GRIA4: variants seen among roughly 807,000 people sequenced by gnomAD.
GRIA4 encodes the protein glutamate ionotropic receptor AMPA type subunit 4.
A neutral mutation model predicts 104.0 loss-of-function variants in GRIA4; 34 were observed. The ratio of observed to expected loss-of-function variants is 0.33; its 90% CI spans 0.25 to 0.44. The LOEUF (loss-of-function observed/expected upper bound fraction) is 0.44, where lower values mean the gene tolerates loss of function less well. Ranked by LOEUF, GRIA4 falls within the 20% of genes least tolerant of loss-of-function variation. GRIA4 has a pLI of 1.00. For synonymous variants in GRIA4, 386 were observed against 381.9 expected (o/e 1.01, Z -0.13); for missense variants, 750 against 1,096.5 (o/e 0.68, Z 4.46).
At chr11:105,866,504 CAT>C (rs764046494) in intron 5 of GRIA4, among the ~76,000 whole-genome samples, 6 of 134,100 alleles carry the variant, frequency 4.5e-5, no homozygotes, top group South Asian at 2.4e-4. Context: ...AATACACATA[CAT>C]ATATATACAC....
At chr11:105,713,905 T>A (rs1008972134) in intron 3 of GRIA4, among the ~76,000 whole-genome samples, 1 of 152,198 alleles carries the variant, frequency 6.6e-6, no homozygotes, top group Admixed American at 6.6e-5. Flanking sequence ...CACTTCTGTG[T>A]GTGCTGGCAG....
intron 6 of GRIA4, among the ~76,000 whole-genome samples, chr11:105,892,669 C>A (rs1198141550): frequency 6.6e-6 from 1 of 152,052 alleles, no homozygotes; most frequent in Non-Finnish European, 1.5e-5. Context: ...ATCAACTTGG[C>A]GACATTGTTT....
At chr11:105,924,883 A>C (rs1947662737) in intron 12 of GRIA4, 114 bp downstream of exon 12, 1 of 796,622 alleles carries the variant, frequency 1.3e-6, no homozygotes, top group Non-Finnish European at 1.9e-6. Context: ...TGAAACACAG[A>C]AAAAGACTTG....
intron 3 of GRIA4, among the ~76,000 whole-genome samples, chr11:105,724,624 G>A (rs1465774241): frequency 6.6e-6 from 1 of 152,044 alleles, no homozygotes; most frequent in African/African-American, 2.4e-5. Context: ...GATAGACACT[G>A]GTGATTTGAA....
Position 105,911,307 on chromosome 11 carries a change from A to T in GRIA4, c.1269+762A>T, listed in dbSNP as rs72978092. ...GAAATTACCTTTTAAATAATAGAATATCTTATATATTTTTCTCTTCTAAAG... is the reference window on the plus strand; with the variant it reads ...GAAATTACCTTTTAAATAATAGAATTTCTTATATATTTTTCTCTTCTAAAG... On this transcript the variant is annotated intron_variant, in intron 10 of 16. Transcript: ENST00000282499. Among the ~76,000 whole-genome samples, 511 of 152,178 alleles carry T rather than the reference A, an allele frequency of 3.4e-3. 3 individuals are homozygous for T. Among genetic ancestry groups the T allele is most frequent in the Non-Finnish European group, 4.9e-3 (330 of 67,954 alleles).
chr11:105,664,112 T>A (rs1036305372), intron 3 of GRIA4, among the ~76,000 whole-genome samples: 5 of 147,142 alleles, frequency 3.4e-5, no homozygotes, highest in Non-Finnish European at 7.5e-5. Flanking sequence ...GTATGTGTGA[T>A]GTTGTTGAGG....
intron 14 of GRIA4, among the ~76,000 whole-genome samples, chr11:105,953,912 C>T (rs1948522303): frequency 6.6e-6 from 1 of 152,016 alleles, no homozygotes; most frequent in Non-Finnish European, 1.5e-5. Context: ...GAGATATAAA[C>T]TCTTTCTTTT....
chr11:105,620,056 G>A (rs1192545438), intron 3 of GRIA4, among the ~76,000 whole-genome samples: 1 of 151,694 alleles, frequency 6.6e-6, no homozygotes, highest in Non-Finnish European at 1.5e-5. Flanking sequence ...TTCTACATCA[G>A]CTCTTTCTAT....
Position 105,910,657 on chromosome 11 carries a change from G to A in GRIA4, c.1269+112G>A. On this transcript the variant is annotated intron_variant, in intron 10 of 16. Transcript: ENST00000282499. The stretch of plus-strand genomic sequence containing the variant: ...CTGACTGTTAGCAATGGTGACATGG[G>A]TGTTCTGATCCACAAAATCCTATTG... The A allele has an allele frequency of 5.2e-5, 33 of 639,258 alleles. No homozygotes were observed. In the South Asian group the frequency reaches 6.0e-4, roughly 12 times the overall value. 39.6% of individuals were successfully genotyped at this position (639,258 alleles called of 1,614,324 possible).
rs557745683 is a variant in GRIA4 at position 105,948,730 on chromosome 11, T to G, written c.2294+14761T>G. ...AAGCGACTCTCCTGCCTCAGCCTCC[T>G]GAGTAGCTGGGACTACAGGTGTCTG... On this transcript the variant is annotated intron_variant, in intron 14 of 16. Coordinates refer to ENST00000282499, the MANE Select transcript of GRIA4 (RefSeq NM_000829.4). Among the ~76,000 whole-genome samples the G allele has an allele frequency of 6.0e-5, 9 of 150,774 alleles. No homozygotes were observed. The South Asian group carries it at 6.3e-4, about 11-fold the overall frequency.
At chr11:105,815,373 A>G in intron 4 of GRIA4, among the ~76,000 whole-genome samples, 1 of 152,130 alleles carries the variant, frequency 6.6e-6, no homozygotes, top group Admixed American at 6.5e-5. Context: ...ATTGAGAAAT[A>G]GTGTTAGGTG....
At chr11:105,794,520 C>CATAT (rs1239499299) in intron 4 of GRIA4, among the ~76,000 whole-genome samples, 2 of 94,216 alleles carry the variant, frequency 2.1e-5, no homozygotes, top group East Asian at 3.2e-4. Flanking sequence ...TATACATATA[C>CATAT]ACACACACAC....
chr11:105,826,027 C>T (rs1039376873), intron 4 of GRIA4, among the ~76,000 whole-genome samples: 3 of 151,956 alleles, frequency 2.0e-5, no homozygotes, highest in Non-Finnish European at 2.9e-5. Flanking sequence ...TGGTGGGCCC[C>T]GTATCCAACA....
chr11:105,933,722 A>C lies in GRIA4; in HGVS notation c.2047A>C (p.Arg683=). ...TTAATTTTATTTTAATTTCCTCCAG[A>C]GATCAAAAATAGCAGTGTATGAAAA... ...DSGSTKEFFR[R]SKIAVYEKMW... The change falls in exon 14 of 17, where the codon AGA becomes CGA. Residue 683 remains arginine, a splice_region_variant and synonymous_variant. Coordinates refer to ENST00000282499, the MANE Select transcript of GRIA4 (RefSeq NM_000829.4). The C allele has an allele frequency of 6.4e-7, 1 of 1,565,724 alleles. No individual in the cohort carries two copies. The highest frequency in any genetic ancestry group is 8.7e-7 in the Non-Finnish European group (1 of 1,150,310).
intron 3 of GRIA4, among the ~76,000 whole-genome samples, chr11:105,671,547 A>C (rs1952366494): frequency 6.6e-6 from 1 of 151,320 alleles, no homozygotes; most frequent in Non-Finnish European, 1.5e-5. Flanking sequence ...GTGTGGTGGT[A>C]GGCACCTGTA....
chr11:105,754,659 T>C (rs1328457118), intron 4 of GRIA4, among the ~76,000 whole-genome samples: 1 of 152,218 alleles, frequency 6.6e-6, no homozygotes, highest in Non-Finnish European at 1.5e-5. Flanking sequence ...GGAGTTGCCA[T>C]GCATGTTTTC....
At chr11:105,912,508 A>T (rs1338236115) in intron 10 of GRIA4, 1 of 549,242 alleles carries the variant, frequency 1.8e-6, no homozygotes, top group Non-Finnish European at 2.3e-6. Flanking sequence ...TGACTGAAAA[A>T]ATCCAACTGT....
intron 7 of GRIA4, among the ~76,000 whole-genome samples, chr11:105,900,611 GA>G (rs1373971370): frequency 7.9e-6 from 1 of 127,042 alleles, no homozygotes; most frequent in Non-Finnish European, 1.7e-5. Context: ...TTTTGAGACA[GA>G]GTCTCTCTCC....
intron 3 of GRIA4, among the ~76,000 whole-genome samples, chr11:105,640,917 G>A (rs1015484353): frequency 3.3e-5 from 5 of 151,566 alleles, no homozygotes; most frequent in East Asian, 3.9e-4. Context: ...TTCCTTTAAC[G>A]TGTAAAAATA....
Sources: gnomAD v4.1 joint callset for allele counts (sites outside exome capture counted in the v4.1 genomes callset) on GRCh38, gnomAD v4.1.1 for gene constraint, MANE v1.5 for transcripts, NCBI Gene and HGNC (gene_info 2026-07-23, HGNC 2026-07-21) for gene names.